Variants in PDE4D observed in about 807,000 individuals in gnomAD.
PDE4D encodes the protein 3',5'-cyclic-AMP phosphodiesterase 4D.
A neutral mutation model predicts 87.4 loss-of-function variants in PDE4D; 24 were observed. The ratio of observed to expected loss-of-function variants is 0.27; its 90% CI spans 0.20 to 0.39. PDE4D has a LOEUF of 0.39. PDE4D is among the 10% of genes least tolerant of loss of function. The pLI, the probability that PDE4D is intolerant of heterozygous loss-of-function variation, is 1.00. For missense variants in PDE4D, 714 were observed against 1,041.0 expected (o/e 0.69, Z 4.32); for synonymous variants, 384 against 383.2 (o/e 1.00, Z -0.02).
intron 1 of PDE4D, among the ~76,000 whole-genome samples, chr5:59,511,998 G>A (rs1052388575): frequency 3.9e-5 from 6 of 152,008 alleles, no homozygotes; most frequent in African/African-American, 1.2e-4. Context: ...AAAGTTTGGC[G>A]CTCCAGAACA....
intron 6 of PDE4D, among the ~76,000 whole-genome samples, chr5:59,038,121 A>G (rs1758878125): frequency 6.6e-6 from 1 of 152,146 alleles, no homozygotes; most frequent in Non-Finnish European, 1.5e-5. Context: ...ATACAGCAAA[A>G]CTGAAAACAC....
intron 1 of PDE4D, among the ~76,000 whole-genome samples, chr5:59,877,184 A>C (rs1471364794): frequency 6.6e-6 from 1 of 152,144 alleles, no homozygotes; most frequent in Non-Finnish European, 1.5e-5. Context: ...AAGACTATGA[A>C]GTGTTTATTG....
intron 3 of PDE4D, among the ~76,000 whole-genome samples, chr5:59,934,536 T>C (rs561876745): frequency 6.6e-6 from 1 of 152,234 alleles, no homozygotes; most frequent in African/African-American, 2.4e-5. Context: ...GTGAGTGGTG[T>C]TTGGAGGAAT....
At chr5:59,067,143 T>C (rs1764073004) in intron 5 of PDE4D, among the ~76,000 whole-genome samples, 1 of 151,222 alleles carries the variant, frequency 6.6e-6, no homozygotes, top group Admixed American at 6.6e-5. Context: ...GCCTCCTGAG[T>C]TGCTGGGATT....
chr5:59,751,773 C>T (rs984882506), intron 1 of PDE4D, among the ~76,000 whole-genome samples: 6 of 152,034 alleles, frequency 3.9e-5, no homozygotes, highest in African/African-American at 1.4e-4. Flanking sequence ...TGAGAAAACA[C>T]CTCCTGTCAC....
At chr5:60,005,671 T>C (rs1270285118) in intron 2 of PDE4D, among the ~76,000 whole-genome samples, 1 of 151,972 alleles carries the variant, frequency 6.6e-6, no homozygotes, top group African/African-American at 2.4e-5. Flanking sequence ...AAACAAAATA[T>C]GCTTATCCTC....
intron 2 of PDE4D, among the ~76,000 whole-genome samples, chr5:60,141,451 G>C (rs1305863291): frequency 1.3e-5 from 2 of 152,144 alleles, no homozygotes; most frequent in Admixed American, 1.3e-4. Flanking sequence ...CTGAGGCAGA[G>C]AGTAGAAGGG....
chr5:59,182,133 T>C (rs1002961319), intron 4 of PDE4D, among the ~76,000 whole-genome samples: 5 of 152,108 alleles, frequency 3.3e-5, no homozygotes, highest in Non-Finnish European at 7.4e-5. Flanking sequence ...AGTTATAAAA[T>C]AAAATGGTTG....
At chr5:59,012,197 C>T (rs545850622) in intron 6 of PDE4D, among the ~76,000 whole-genome samples, 111 of 152,308 alleles carry the variant, frequency 7.3e-4, no homozygotes, top group South Asian at 1.9e-3. Context: ...ACTGCAAAAA[C>T]ATGCCAAATT....
intron 1 of PDE4D, among the ~76,000 whole-genome samples, chr5:60,318,554 T>C (rs984890726): frequency 6.6e-6 from 1 of 152,220 alleles, no homozygotes; most frequent in African/African-American, 2.4e-5. Flanking sequence ...TTTTGCTTGT[T>C]AGTTGATGCA....
At position 59,215,848 on chromosome 5, in the gene PDE4D, C is replaced by T. The variant is rs968340236; in HGVS notation, c.576G>A (p.Leu192=). ...GGTCATAATCGCTGTCGGATCGATA[C>T]AGGAAGGACTCCCGTCGTTGACTGT... ...FVHSQRRESF[L]YRSDSDYDLS... The change falls in exon 2 of 15, where the codon CTG becomes CTA. Residue 192 remains leucine, a synonymous_variant. Coordinates refer to ENST00000340635, the MANE Select transcript of PDE4D (RefSeq NM_001104631.2). 1 of 1,613,552 alleles carries T rather than the reference C, an allele frequency of 6.2e-7. No individual in the cohort carries two copies. The highest frequency in any genetic ancestry group is 1.3e-5 in the African/African-American group (1 of 74,872).
Position 60,044,346 on chromosome 5 carries a change from C to G in PDE4D, c.43-55629G>C, listed in dbSNP as rs184572078. On this transcript the variant is annotated intron_variant, in intron 2 of 16. Coordinates refer to the PDE4D transcript ENST00000502484. ...CTGTTTCTTAACATCTTTGACACTT[C>G]ATTTATACTCTAGTTTTTCCTTTTT... Among the ~76,000 whole-genome samples the G allele has an allele frequency of 2.7e-5, 4 of 146,194 alleles. No individual in the cohort carries two copies. In the East Asian group the frequency reaches 8.6e-4, roughly 32 times the overall value.
intron 3 of PDE4D, among the ~76,000 whole-genome samples, chr5:59,965,759 G>T (rs115336469): frequency 1.0e-3 from 155 of 152,186 alleles, no homozygotes; most frequent in African/African-American, 3.7e-3. Flanking sequence ...CTAAATCAAG[G>T]CTTGGCAAAG....
At chr5:59,159,623 T>C (rs751315299) in intron 5 of PDE4D, among the ~76,000 whole-genome samples, 27 of 152,162 alleles carry the variant, frequency 1.8e-4, no homozygotes, top group Admixed American at 5.2e-4. Flanking sequence ...CTATTCAAAA[T>C]CAGTAAGTAG....
At chr5:59,074,765 T>TAAA (rs919787170) in intron 5 of PDE4D, among the ~76,000 whole-genome samples, 2 of 151,872 alleles carry the variant, frequency 1.3e-5, no homozygotes, top group Non-Finnish European at 2.9e-5. Flanking sequence ...TTTCAAAAAA[T>TAAA]AAAAAGAGAG....
intron 1 of PDE4D, among the ~76,000 whole-genome samples, chr5:59,271,628 TA>T (rs1384689903): frequency 1.3e-5 from 2 of 152,010 alleles, no homozygotes; most frequent in Non-Finnish European, 2.9e-5. Flanking sequence ...AAAGAGCTAA[TA>T]AAAAAATTAT....
intron 1 of PDE4D, among the ~76,000 whole-genome samples, chr5:59,842,242 G>A (rs1743130604): frequency 6.6e-6 from 1 of 152,104 alleles, no homozygotes. Flanking sequence ...GAAGGCAGAA[G>A]TGAAATGACT....
chr5:60,120,120 G>A (rs1778541614), intron 2 of PDE4D, among the ~76,000 whole-genome samples: 1 of 152,264 alleles, frequency 6.6e-6, no homozygotes, highest in South Asian at 2.1e-4. Flanking sequence ...CATTCCAGAG[G>A]TTACATGTAG....
intron 1 of PDE4D, among the ~76,000 whole-genome samples, chr5:59,448,233 A>T (rs1008361169): frequency 1.3e-5 from 2 of 152,182 alleles, no homozygotes; most frequent in African/African-American, 4.8e-5. Context: ...ATAAGCTTTA[A>T]GATTCTCTGG....
Sources: gnomAD v4.1 joint callset for allele counts (sites outside exome capture counted in the v4.1 genomes callset) on GRCh38, gnomAD v4.1.1 for gene constraint, MANE v1.5 for transcripts, NCBI Gene and HGNC (gene_info 2026-07-23, HGNC 2026-07-21) for gene names.